CDH20: variants seen among roughly 807,000 people sequenced by gnomAD.
CDH20 encodes cadherin-20.
CDH20 carries 29 observed loss-of-function variants against 74.2 expected under a neutral mutation model. The observed-to-expected ratio is 0.39, with a 90% CI of 0.29 to 0.53. CDH20 has a LOEUF of 0.53. Ranked by LOEUF, CDH20 falls within the 20% of genes least tolerant of loss-of-function variation. CDH20 has a pLI of 0.69. For synonymous variants in CDH20, 469 were observed against 405.4 expected (o/e 1.16, Z -1.88); for missense variants, 988 against 1,048.3 (o/e 0.94, Z 0.79).
intron 1 of CDH20, among the ~76,000 whole-genome samples, chr18:61,380,228 A>C (rs1308104788): frequency 6.6e-6 from 1 of 152,186 alleles, no homozygotes; most frequent in Non-Finnish European, 1.5e-5. Context: ...GCTTGCAAAA[A>C]CTAAAGTGAA....
At chr18:61,337,566 A>C (rs1286716000) in intron 1 of CDH20, among the ~76,000 whole-genome samples, 1 of 152,216 alleles carries the variant, frequency 6.6e-6, no homozygotes, top group Admixed American at 6.5e-5. Context: ...TTGAAGAAAC[A>C]ACCTCCTCTG....
chr18:61,514,875 G>A (rs1438888377), intron 6 of CDH20, among the ~76,000 whole-genome samples: 52 of 150,608 alleles, frequency 3.5e-4, no homozygotes, highest in Non-Finnish European at 5.3e-4. Flanking sequence ...CTCCAGCTGC[G>A]TGCTGGGAGA....
intron 1 of CDH20, chr18:61,391,565 A>C (rs1458143319): frequency 6.6e-6 from 1 of 152,278 alleles, no homozygotes; most frequent in Admixed American, 6.5e-5. Context: ...TATGGAGATC[A>C]ACATTTTTGA....
At chr18:61,531,267 GTTA>G (rs1349748947) in intron 7 of CDH20, among the ~76,000 whole-genome samples, 2 of 152,212 alleles carry the variant, frequency 1.3e-5, no homozygotes, top group Admixed American at 1.3e-4. Flanking sequence ...CTGTGGGTTA[GTTA>G]TTTCTATCAC....
At chr18:61,443,174 G>A (rs541112622) in intron 1 of CDH20, among the ~76,000 whole-genome samples, 13 of 152,238 alleles carry the variant, frequency 8.5e-5, no homozygotes, top group African/African-American at 3.1e-4. Context: ...AATTGTGCTT[G>A]TTCAGTGAGC....
chr18:61,450,930 T>C (rs969375292), intron 1 of CDH20, among the ~76,000 whole-genome samples: 1 of 152,086 alleles, frequency 6.6e-6, no homozygotes, highest in Non-Finnish European at 1.5e-5. Context: ...AACATTGTGG[T>C]AAGCCTCCTC....
intron 6 of CDH20, among the ~76,000 whole-genome samples, chr18:61,515,000 G>A (rs1407109306): frequency 6.6e-6 from 1 of 152,050 alleles, no homozygotes; most frequent in South Asian, 2.1e-4. Flanking sequence ...GAGGCAGGCA[G>A]GCCTCCTTGA....
chr18:61,417,749 A>G (rs1310466294), intron 1 of CDH20, among the ~76,000 whole-genome samples: 1 of 152,162 alleles, frequency 6.6e-6, no homozygotes, highest in Non-Finnish European at 1.5e-5. Flanking sequence ...TGGTAGCAAA[A>G]TAGTGTGACT....
intron 9 of CDH20, among the ~76,000 whole-genome samples, chr18:61,542,968 C>G (rs1375452589): frequency 1.3e-5 from 2 of 152,210 alleles, no homozygotes; most frequent in African/African-American, 4.8e-5. Context: ...CACCTCCCAC[C>G]AGGCCCCACC....
At position 61,539,157 on chromosome 18, in the gene CDH20, T is replaced by G. The variant is rs1241253601; in HGVS notation, c.1530+12T>G. On this transcript the variant is annotated intron_variant, in intron 9 of 11. Transcript: ENST00000262717. ...CCAAGGCAGGACAGGTAAGGTGGCC[T>G]GTGGGTGGTGCACTCTGCTTAACCC... The G allele has an allele frequency of 6.2e-7, 1 of 1,613,848 alleles. No individual in the cohort carries two copies. Among genetic ancestry groups the G allele is most frequent in the Admixed American group, 1.7e-5 (1 of 59,982 alleles).
chr18:61,527,922 C>T (rs1264881179), intron 6 of CDH20, 45 bp from the exon 7 acceptor site: 1 of 1,604,748 alleles, frequency 6.2e-7, no homozygotes, highest in Admixed American at 1.7e-5. Flanking sequence ...TATTTTGAAT[C>T]TTGAACCTCA....
At chr18:61,478,125 A>G (rs1404776438) in intron 1 of CDH20, among the ~76,000 whole-genome samples, 1 of 151,990 alleles carries the variant, frequency 6.6e-6, no homozygotes, top group African/African-American at 2.4e-5. Context: ...CTTGAACCCA[A>G]AAGGTGGAGG....
intron 1 of CDH20, among the ~76,000 whole-genome samples, chr18:61,344,433 T>G (rs1213054227): frequency 6.6e-6 from 1 of 152,204 alleles, no homozygotes; most frequent in African/African-American, 2.4e-5. Flanking sequence ...AAGCCTGTTT[T>G]GTAACTATAA....
rs1910395475 is a variant in CDH20, at chr18:61,353,829, C to T, written c.-153+20002C>T. Among the ~76,000 whole-genome samples, 1 of 152,116 alleles carries T rather than the reference C, an allele frequency of 6.6e-6. No homozygotes were observed. ...AGTCATGGTGGCTCATGCCTGTAAT[C>T]CCAGCATTTTAGGAGGCCGGGGCGG... On this transcript the variant is annotated intron_variant, in intron 1 of 11. Transcript: ENST00000262717. This position sits in a 1 kb window ranked among gnomAD's most constrained non-coding sequence, Gnocchi z 4.6.
At chr18:61,368,357 T>A (rs1477007356) in intron 1 of CDH20, among the ~76,000 whole-genome samples, 1 of 145,862 alleles carries the variant, frequency 6.9e-6, no homozygotes, top group Non-Finnish European at 1.5e-5. Context: ...AAGTGTTTAT[T>A]AGGAAATCTA....
chr18:61,387,383 C>T (rs1023569205), intron 1 of CDH20, among the ~76,000 whole-genome samples: 3 of 152,134 alleles, frequency 2.0e-5, no homozygotes, highest in Non-Finnish European at 2.9e-5. Context: ...TTCTTCAGTG[C>T]AATGATGAAT....
At chr18:61,396,462 T>G (rs184481964) in intron 1 of CDH20, among the ~76,000 whole-genome samples, 3 of 152,308 alleles carry the variant, frequency 2.0e-5, no homozygotes, top group African/African-American at 7.2e-5. Context: ...TCTCTTATAC[T>G]TTTTCAAACT....
At chr18:61,550,315 C>A in intron 11 of CDH20, 86 bp downstream of exon 11, 1 of 1,478,062 alleles carries the variant, frequency 6.8e-7, no homozygotes. Context: ...CACAGCTATT[C>A]AGAACTGGTC....
rs142542576 is a variant in CDH20, at chr18:61,384,762, C to T, written c.-153+50935C>T. ...ACATTAATATTTACCTTTAAAAAAACTAAAAAGCAAATTTGAGAGCATATA... is the reference window on the plus strand; with the variant it reads ...ACATTAATATTTACCTTTAAAAAAATTAAAAAGCAAATTTGAGAGCATATA... On this transcript the variant is annotated intron_variant, in intron 1 of 11. Transcript: ENST00000262717. 1.9e-3 allele frequency among the ~76,000 whole-genome samples: 291 copies of T among 152,098 alleles called. 1 individual carries two copies. Among genetic ancestry groups the T allele is most frequent in the African/African-American group, 6.7e-3 (280 of 41,514 alleles).
Sources: gnomAD v4.1 joint callset for allele counts (sites outside exome capture counted in the v4.1 genomes callset) on GRCh38, gnomAD v4.1.1 for gene constraint, Gnocchi (gnomAD v3.1) non-coding constraint, MANE v1.5 for transcripts, NCBI Gene and HGNC (gene_info 2026-07-23, HGNC 2026-07-21) for gene names.